The following PPP4R3B variants were observed in gnomAD, a reference collection of about 807,000 sequenced individuals.
PPP4R3B encodes protein phosphatase 4 regulatory subunit 3B.
PPP4R3B carries 52 observed loss-of-function variants against 95.4 expected under a neutral mutation model. That is an observed-to-expected ratio of 0.54 (90% CI 0.44 to 0.69). The LOEUF (loss-of-function observed/expected upper bound fraction) is 0.69, where lower values mean the gene tolerates loss of function less well. PPP4R3B is among the 30% of genes least tolerant of loss of function. PPP4R3B has a pLI of 0.00. For synonymous variants in PPP4R3B, 407 were observed against 343.9 expected (o/e 1.18, Z -2.03); for missense variants, 1,003 against 1,005.9 (o/e 1.00, Z 0.04).
chr2:55,569,226 G>C (rs1232674342), intron 12 of PPP4R3B, among the ~76,000 whole-genome samples: 1 of 152,144 alleles, frequency 6.6e-6, no homozygotes. Flanking sequence ...CCAGCGTCTG[G>C]GAAGATGCCC....
intron 2 of PPP4R3B, among the ~76,000 whole-genome samples, chr2:55,606,186 G>A (rs186416208): frequency 2.0e-5 from 3 of 151,836 alleles, no homozygotes; most frequent in South Asian, 2.1e-4. Context: ...AGTTTAATTC[G>A]CTTATTATAT....
At chr2:55,608,712 T>C (rs547411466) in intron 2 of PPP4R3B, among the ~76,000 whole-genome samples, 2 of 152,322 alleles carry the variant, frequency 1.3e-5, no homozygotes, top group South Asian at 2.1e-4. Context: ...TGGCTGGATA[T>C]GGAGGCTCAT....
At chr2:55,608,700 C>T (rs1323682060) in intron 2 of PPP4R3B, among the ~76,000 whole-genome samples, 1 of 152,190 alleles carries the variant, frequency 6.6e-6, no homozygotes, top group Non-Finnish European at 1.5e-5. Context: ...AAAATCCCAA[C>T]TTGGCTGGAT....
intron 15 of PPP4R3B, among the ~76,000 whole-genome samples, chr2:55,561,603 C>A (rs996198056): frequency 1.3e-5 from 2 of 152,234 alleles, no homozygotes; most frequent in Non-Finnish European, 2.9e-5. Context: ...GCCCTGGGAG[C>A]CTACCTGTTG....
Position 55,588,963 on chromosome 2 carries a change from G to A in PPP4R3B, c.922-7C>T, listed in dbSNP as rs1574826844. 3 of 1,553,242 alleles carry A rather than the reference G, an allele frequency of 1.9e-6. No homozygotes were observed. The highest frequency in any genetic ancestry group is 2.7e-6 in the Non-Finnish European group (3 of 1,128,898). ...ACAAAAACTTCTCATCTTCCTGCAT[G>A]AGAAAAATAATTACTATGAAATATT... On this transcript the variant is annotated splice_region_variant and splice_polypyrimidine_tract_variant and intron_variant, in intron 4 of 16. Transcript: ENST00000616407.
chr2:55,554,547 T>C (rs1489330446), intron 16 of PPP4R3B, among the ~76,000 whole-genome samples: 2 of 152,254 alleles, frequency 1.3e-5, no homozygotes, highest in Non-Finnish European at 2.9e-5. Context: ...GCCACTTGTG[T>C]ATCTTCTTTG....
intron 16 of PPP4R3B, among the ~76,000 whole-genome samples, chr2:55,551,846 T>C (rs919673070): frequency 6.6e-6 from 1 of 152,258 alleles, no homozygotes; most frequent in Non-Finnish European, 1.5e-5. Context: ...TAAGTGCTAT[T>C]AGCTGCTATT....
chr2:55,568,258 T>C lies in PPP4R3B; in HGVS notation c.1871A>G (p.Asp624Gly), dbSNP rs566314016. The C allele has an allele frequency of 1.9e-6, 3 of 1,610,488 alleles. No individual in the cohort carries two copies. The highest frequency in any genetic ancestry group is 1.7e-5 in the Admixed American group (1 of 59,500). ...LFEPVINALL[D>G]NGTRYNLLNS... Reference sequence around the variant, plus strand: ...CAACAGATTATACCGAGTTCCATTATCCAGAAGTGCATTTATAACTGGCTC... The same window carrying C: ...CAACAGATTATACCGAGTTCCATTACCCAGAAGTGCATTTATAACTGGCTC... The change falls in exon 13 of 17, where the codon GAT (aspartate) becomes GGT (glycine). Residue 624 changes from aspartate (D) to glycine (G), a missense_variant. Asp to Gly is a moderately conservative substitution (Grantham distance 94, BLOSUM62 -1). This residue lies in a region of PPP4R3B where 79 missense variants were observed against 124.9 expected (regional missense o/e 0.63). Transcript: ENST00000616407.
chr2:55,579,815 C>T (rs2104212096), intron 8 of PPP4R3B, 34 bp from the exon 9 acceptor site: 2 of 1,362,470 alleles, frequency 1.5e-6, no homozygotes, highest in East Asian at 2.3e-5. Context: ...AATACTGTTA[C>T]TTATGTAAAT....
At chr2:55,575,186 C>A (rs1323767543) in intron 11 of PPP4R3B, among the ~76,000 whole-genome samples, 1 of 151,996 alleles carries the variant, frequency 6.6e-6, no homozygotes, top group East Asian at 1.9e-4. Context: ...ATGATCCGCC[C>A]ACCTCGGCCT....
chr2:55,607,702 T>A (rs1241150832), intron 2 of PPP4R3B, among the ~76,000 whole-genome samples: 1 of 152,168 alleles, frequency 6.6e-6, no homozygotes, highest in Non-Finnish European at 1.5e-5. Context: ...CACTGGCGAC[T>A]GGTGATTAAT....
chr2:55,577,173 G>T (rs1296859898), intron 11 of PPP4R3B, 142 bp downstream of exon 11: 4 of 1,045,714 alleles, frequency 3.8e-6, no homozygotes, highest in Non-Finnish European at 5.1e-6. Flanking sequence ...TGGAGATAGT[G>T]GAATTACAAA....
chr2:55,589,596 C>T (rs573707351), intron 4 of PPP4R3B, among the ~76,000 whole-genome samples: 21 of 152,206 alleles, frequency 1.4e-4, no homozygotes, highest in African/African-American at 4.6e-4. Context: ...TTTCTACAGG[C>T]GTTGTCTAAA....
At chr2:55,556,637 AAAAAAAAAG>A (rs1182927933) in intron 16 of PPP4R3B, among the ~76,000 whole-genome samples, 2 of 151,822 alleles carry the variant, frequency 1.3e-5, no homozygotes, top group Non-Finnish European at 2.9e-5. Flanking sequence ...TGATTTAAAA[AAAAAAAAAG>A]AAAAAAAAGA....
chr2:55,604,372 A>G (rs940473197), intron 2 of PPP4R3B, among the ~76,000 whole-genome samples: 1 of 152,222 alleles, frequency 6.6e-6, no homozygotes, highest in Non-Finnish European at 1.5e-5. Flanking sequence ...GGCCAAAACT[A>G]TAACAAAGAC....
chr2:55,586,565 A>G, intron 6 of PPP4R3B, 53 bp downstream of exon 6: 2 of 995,090 alleles, frequency 2.0e-6, no homozygotes, highest in Non-Finnish European at 3.1e-6. Flanking sequence ...CCATAACATA[A>G]GTGTATTACA....
intron 12 of PPP4R3B, among the ~76,000 whole-genome samples, chr2:55,569,384 A>T (rs1274874911): frequency 6.6e-6 from 1 of 152,164 alleles, no homozygotes; most frequent in East Asian, 1.9e-4. Context: ...GCCTGACATT[A>T]GTCAGGCCCA....
intron 2 of PPP4R3B, among the ~76,000 whole-genome samples, chr2:55,605,816 G>C (rs1326186848): frequency 6.7e-6 from 1 of 148,678 alleles, no homozygotes; most frequent in African/African-American, 2.5e-5. Flanking sequence ...TGAGGCAAAA[G>C]AATCGCTTGA....
intron 16 of PPP4R3B, among the ~76,000 whole-genome samples, chr2:55,555,278 TAAAA>T (rs372423262): frequency 1.8e-5 from 2 of 108,898 alleles, no homozygotes; most frequent in Admixed American, 1.0e-4. Flanking sequence ...AGACTCCGTC[TAAAA>T]AAAAAAAAAA....
Sources: gnomAD v4.1 joint callset for allele counts (sites outside exome capture counted in the v4.1 genomes callset) on GRCh38, gnomAD v4.1.1 for gene constraint, gnomAD v4.1.1 regional missense constraint, MANE v1.5 for transcripts, NCBI Gene and HGNC (gene_info 2026-07-23, HGNC 2026-07-21) for gene names.